CDADC1: variants seen among roughly 807,000 people sequenced by gnomAD.
CDADC1 encodes the protein cytidine and dCMP deaminase domain containing 1, also known as dCTP deaminase.
A neutral mutation model predicts 54.9 loss-of-function variants in CDADC1; 39 were observed. The observed-to-expected ratio is 0.71, with a 90% confidence interval of 0.55 to 0.93. The LOEUF is 0.93. Among genes scored for constraint, CDADC1 ranks in the 40% least tolerant of loss-of-function variants. CDADC1 has a pLI of 0.00. For missense variants in CDADC1, 518 were observed against 618.8 expected (o/e 0.84, Z 1.73); for synonymous variants, 186 against 204.0 (o/e 0.91, Z 0.75).
At chr13:49,249,001 G>T (rs1350074277) in intron 2 of CDADC1, 36 bp downstream of exon 2, 1 of 1,366,166 alleles carries the variant, frequency 7.3e-7, no homozygotes, top group South Asian at 1.2e-5. Flanking sequence ...CCTTAGAAAA[G>T]CAGTGGTTTA....
At chr13:49,256,290 A>C (rs1346670845) in intron 3 of CDADC1, among the ~76,000 whole-genome samples, 1 of 152,198 alleles carries the variant, frequency 6.6e-6, no homozygotes, top group Admixed American at 6.5e-5. Flanking sequence ...TGCAGTGATC[A>C]ACCCTGAAGG....
At chr13:49,286,130 T>C (rs1953507421) in intron 8 of CDADC1, 92 bp from the exon 9 acceptor site, 1 of 1,078,072 alleles carries the variant, frequency 9.3e-7, no homozygotes, top group Admixed American at 1.9e-5. Flanking sequence ...CTTCCATTTT[T>C]AAGAAGTTGT....
chr13:49,269,251 A>G (rs953413828), intron 5 of CDADC1, among the ~76,000 whole-genome samples: 15 of 58,648 alleles, frequency 2.6e-4, no homozygotes, highest in Admixed American at 1.7e-3. Flanking sequence ...ACTTTTATAA[A>G]AAGTACAGAT....
chr13:49,268,454 A>T (rs897655524), intron 5 of CDADC1, among the ~76,000 whole-genome samples: 6 of 152,148 alleles, frequency 3.9e-5, no homozygotes, highest in Non-Finnish European at 8.8e-5. Context: ...TGAGCTCAGG[A>T]GTTCAAGACC....
chr13:49,248,068 G>C lies in CDADC1; in HGVS notation c.31G>C (p.Glu11Gln), dbSNP rs765814492. ...AGAAGCTGGGCAGATGCAAAATCTG[G>C]AGAGCGCGAGGGCCGGGCGGTCAGT... MKEAGQMQNL[E>Q]SARAGRSVST... The change falls in exon 1 of 10, where the codon GAG becomes CAG. Residue 11 changes from glutamate (E) to glutamine (Q), a missense_variant. By Grantham distance (29) the Glu-to-Gln change is conservative (BLOSUM62 2). Transcript: ENST00000251108. 30 of 1,553,804 alleles carry C rather than the reference G, an allele frequency of 1.9e-5. No individual in the cohort carries two copies. The highest frequency in any genetic ancestry group is 2.7e-5 in the African/African-American group (2 of 73,142).
intron 8 of CDADC1, among the ~76,000 whole-genome samples, chr13:49,283,807 C>A (rs1953422809): frequency 1.3e-5 from 2 of 152,170 alleles, no homozygotes; most frequent in Admixed American, 1.3e-4. Flanking sequence ...CTCTGTTCTA[C>A]CTCCAGTGAA....
At chr13:49,278,910 C>T (rs1390868469) in intron 7 of CDADC1, among the ~76,000 whole-genome samples, 1 of 152,166 alleles carries the variant, frequency 6.6e-6, no homozygotes, top group Admixed American at 6.5e-5. Flanking sequence ...CAACGATGGA[C>T]TACATGCACA....
chr13:49,283,043 T>TA (rs1953396593), intron 8 of CDADC1, among the ~76,000 whole-genome samples: 1 of 152,208 alleles, frequency 6.6e-6, no homozygotes, highest in East Asian at 1.9e-4. Flanking sequence ...TAATGTAACA[T>TA]TTAACTACTA....
chr13:49,292,434 C>G lies in CDADC1; in HGVS notation c.*677C>G, dbSNP rs1274657663. 1 of 1,008,000 alleles carries G rather than the reference C, an allele frequency of 9.9e-7. No homozygotes were observed. Among genetic ancestry groups the G allele is most frequent in the African/African-American group, 1.7e-5 (1 of 57,598 alleles). The allele number at this position is 1,008,000 out of a possible 1,614,324, so 62.4% of individuals were successfully genotyped here. The stretch of plus-strand genomic sequence containing the variant: ...GCTTGATATCACTGACTCTTGAAAT[C>G]ACTAACAGTGAACCTCAAATTTGGT... On this transcript the variant is annotated 3_prime_UTR_variant, in exon 10 of 10. Transcript: ENST00000251108.
rs78652238 is a variant in CDADC1 at position 49,267,304 on chromosome 13, C to T, written c.431-186C>T. Reference sequence around the variant, plus strand: ...AACCTGTGAGCTGTACAAAGACTGGCAGTGGACTGGATTTGGCCTGTGGGT... The same window carrying T: ...AACCTGTGAGCTGTACAAAGACTGGTAGTGGACTGGATTTGGCCTGTGGGT... On this transcript the variant is annotated intron_variant, in intron 4 of 9. Transcript: ENST00000251108. Among the ~76,000 whole-genome samples, 4 of 152,266 alleles carry T rather than the reference C, an allele frequency of 2.6e-5. No individual in the cohort carries two copies. In the East Asian group the frequency reaches 7.7e-4, roughly 29 times the overall value.
intron 2 of CDADC1, among the ~76,000 whole-genome samples, chr13:49,254,208 T>TA (rs1952492705): frequency 6.6e-6 from 1 of 152,182 alleles, no homozygotes; most frequent in Non-Finnish European, 1.5e-5. Flanking sequence ...TTTCCACTGA[T>TA]ACCATCACTT....
chr13:49,274,499 T>TA (rs58770280), intron 6 of CDADC1, among the ~76,000 whole-genome samples, 159 bp downstream of exon 6: 2,120 of 140,656 alleles, frequency 0.015, 33 homozygotes, highest in East Asian at 0.049. Context: ...CCATCTCTAC[T>TA]AAAAAAAAAA....
chr13:49,285,335 C>T (rs943039985), intron 8 of CDADC1, among the ~76,000 whole-genome samples: 34 of 151,856 alleles, frequency 2.2e-4, no homozygotes, highest in African/African-American at 7.3e-4. Context: ...CCGGCCACCA[C>T]GCCCAGCTAA....
chr13:49,287,484 A>ATCTATCTG (rs146726583), intron 9 of CDADC1, among the ~76,000 whole-genome samples: 21 of 151,710 alleles, frequency 1.4e-4, no homozygotes, highest in Non-Finnish European at 2.7e-4. Flanking sequence ...CTATCTATCT[A>ATCTATCTG]TCTATCTATC....
At chr13:49,275,722 TATATAGAGAGAGAGAG>T (rs1953105028) in intron 6 of CDADC1, among the ~76,000 whole-genome samples, 8 of 19,244 alleles carry the variant, frequency 4.2e-4, no homozygotes, top group East Asian at 1.1e-3. Flanking sequence ...TATATATATA[TATATAGAGAGAGAGAG>T]AGAGAGAGAG....
chr13:49,270,066 C>A (rs1196189225), intron 5 of CDADC1, among the ~76,000 whole-genome samples: 1 of 152,024 alleles, frequency 6.6e-6, no homozygotes, highest in Non-Finnish European at 1.5e-5. Context: ...TGCACTCTTC[C>A]AGGGAAGAAA....
intron 9 of CDADC1, 46 bp from the exon 10 acceptor site, chr13:49,291,638 G>C: frequency 6.3e-7 from 1 of 1,589,972 alleles, no homozygotes; most frequent in Non-Finnish European, 8.6e-7. Context: ...AGTGCCCATG[G>C]GTTTGAAATG....
At chr13:49,259,068 A>G (rs1020779381) in intron 3 of CDADC1, among the ~76,000 whole-genome samples, 2 of 152,188 alleles carry the variant, frequency 1.3e-5, no homozygotes, top group Admixed American at 6.5e-5. Flanking sequence ...GCCCTTTACT[A>G]GGTTATAATG....
chr13:49,291,807 T>A lies in CDADC1; in HGVS notation c.*50T>A. 1 of 1,580,884 alleles carries A rather than the reference T, an allele frequency of 6.3e-7. No homozygotes were observed. Among genetic ancestry groups the A allele is most frequent in the Non-Finnish European group, 8.6e-7 (1 of 1,165,716 alleles). ...AACCTCAAGAACTTTTCATTGCACT[T>A]CTAAAATTCAGCCTTGTTCATTCAG... On this transcript the variant is annotated 3_prime_UTR_variant, in exon 10 of 10. Coordinates refer to ENST00000251108, the MANE Select transcript of CDADC1 (RefSeq NM_030911.4).
Sources: allele counts gnomAD v4.1 joint callset (sites outside exome capture counted in the v4.1 genomes callset), GRCh38; gene constraint gnomAD v4.1.1; transcripts MANE v1.5; gene names NCBI Gene and HGNC (gene_info 2026-07-23, HGNC 2026-07-21).